Variants in EYS observed in about 807,000 individuals in gnomAD.
EYS encodes the protein protein eyes shut homolog.
A neutral mutation model predicts 282.1 loss-of-function variants in EYS; 250 were observed. That is an observed-to-expected ratio of 0.89 (90% CI 0.80 to 0.98). EYS has a LOEUF of 0.98. Ranked by LOEUF, EYS falls within the 50% of genes least tolerant of loss-of-function variation. EYS has a pLI of 0.00. For synonymous variants in EYS, 1,355 were observed against 1,282.9 expected, an observed-to-expected ratio of 1.06 and a Z score of -1.20; for missense variants, 4,016 against 3,709.0, an observed-to-expected ratio of 1.08 and a Z score of -2.15.
chr6:65,115,954 GT>G (rs1775358457), intron 12 of EYS, among the ~76,000 whole-genome samples: 1 of 126,250 alleles, frequency 7.9e-6, no homozygotes, highest in African/African-American at 3.5e-5. Context: ...CTGTCTGTCT[GT>G]CTGTCTATCT....
intron 29 of EYS, among the ~76,000 whole-genome samples, chr6:64,345,105 G>A (rs532941167): frequency 1.8e-4 from 27 of 152,146 alleles, no homozygotes; most frequent in African/African-American, 5.5e-4. Context: ...ACTCAATATC[G>A]TGAAAATGGC....
intron 19 of EYS, among the ~76,000 whole-genome samples, chr6:64,877,132 A>C (rs1415670670): frequency 6.6e-6 from 1 of 152,156 alleles, no homozygotes; most frequent in African/African-American, 2.4e-5. Flanking sequence ...TTGAAGATGC[A>C]GCCAATGGGA....
intron 14 of EYS, among the ~76,000 whole-genome samples, chr6:64,970,432 AG>A (rs1344585670): frequency 6.6e-6 from 1 of 152,110 alleles, no homozygotes; most frequent in African/African-American, 2.4e-5. Context: ...CCTTGACCTC[AG>A]GTACTCTGCT....
chr6:64,390,011 T>C (rs200221970), intron 28 of EYS, among the ~76,000 whole-genome samples: 100,012 of 145,868 alleles, frequency 0.69, 34,357 homozygotes, highest in Non-Finnish European at 0.71. Context: ...AAAGGGGTGA[T>C]GGATGGCACC....
chr6:63,724,275 CTATCCCACCGTGCTTTATTA>C (rs1254205987), intron 42 of EYS, among the ~76,000 whole-genome samples: 2 of 152,160 alleles, frequency 1.3e-5, no homozygotes, highest in African/African-American at 4.8e-5. Context: ...TCATCATCTG[CTATCCCACCGTGCTTTATTA>C]TAGATAAGAG....
At chr6:65,209,722 G>A (rs748124527) in intron 12 of EYS, among the ~76,000 whole-genome samples, 2 of 151,922 alleles carry the variant, frequency 1.3e-5, no homozygotes, top group Non-Finnish European at 2.9e-5. Context: ...AGCCTGCTAA[G>A]CTTTCTGAGG....
rs1279855444 is a variant in EYS at position 64,286,388 on chromosome 6, A to G, written c.6191+20582T>C. Among the ~76,000 whole-genome samples, 5 of 152,278 alleles carry G rather than the reference A, an allele frequency of 3.3e-5. No homozygotes were observed. In the East Asian group the frequency reaches 9.6e-4, roughly 29 times the overall value. ...GGTACCTGGTTTTAATTTCCTATCA[A>G]TTGTCTGCACTTTAAATCTTTCTTA... On this transcript the variant is annotated intron_variant, in intron 30 of 42. Coordinates refer to ENST00000503581, the MANE Select transcript of EYS (RefSeq NM_001142800.2).
At chr6:65,115,973 CTATCTATCT>C (rs1561973914) in intron 12 of EYS, among the ~76,000 whole-genome samples, 10 of 97,362 alleles carry the variant, frequency 1.0e-4, no homozygotes, top group African/African-American at 5.5e-4. Context: ...TCTAATCTAT[CTATCTATCT>C]ATCTATCTAT....
chr6:64,772,270 G>C (rs1773548667), intron 22 of EYS, among the ~76,000 whole-genome samples: 2 of 151,562 alleles, frequency 1.3e-5, no homozygotes, highest in South Asian at 4.1e-4. Context: ...TTCCATATTG[G>C]TTGTTTTTCA....
intron 23 of EYS, among the ~76,000 whole-genome samples, chr6:64,625,058 G>A (rs1767561889): frequency 6.6e-6 from 1 of 152,096 alleles, no homozygotes; most frequent in South Asian, 2.1e-4. Context: ...TAAGTGACCA[G>A]AAATATCCCC....
intron 13 of EYS, among the ~76,000 whole-genome samples, chr6:65,010,249 A>G (rs1214644660): frequency 1.3e-5 from 2 of 152,242 alleles, no homozygotes; most frequent in Admixed American, 6.5e-5. Flanking sequence ...GTTTACAGGT[A>G]GTGGCAGCAG....
intron 1 of EYS, among the ~76,000 whole-genome samples, chr6:65,643,613 G>A (rs1348501282): frequency 6.6e-6 from 1 of 152,122 alleles, no homozygotes; most frequent in African/African-American, 2.4e-5. Flanking sequence ...CCTGCCTGGA[G>A]GGCAACCAAC....
At chr6:64,575,630 G>A (rs1476188906) in intron 26 of EYS, among the ~76,000 whole-genome samples, 1 of 152,062 alleles carries the variant, frequency 6.6e-6, no homozygotes, top group Non-Finnish European at 1.5e-5. Flanking sequence ...CCACAACAGA[G>A]GCAAGAATGT....
intron 33 of EYS, among the ~76,000 whole-genome samples, chr6:64,031,430 G>A (rs563721707): frequency 3.0e-4 from 46 of 152,314 alleles, no homozygotes; most frequent in Non-Finnish European, 5.4e-4. Context: ...CTCCTGTGCG[G>A]CCCAAGCCTC....
chr6:65,223,642 T>G (rs983038103), intron 12 of EYS, among the ~76,000 whole-genome samples: 1 of 152,096 alleles, frequency 6.6e-6, no homozygotes, highest in Non-Finnish European at 1.5e-5. Context: ...TGCCTAGAAG[T>G]ATTCTCAGTC....
chr6:65,105,777 C>A (rs1320198047), intron 12 of EYS, among the ~76,000 whole-genome samples: 1 of 151,796 alleles, frequency 6.6e-6, no homozygotes. Context: ...GTATGTGATT[C>A]CTCTTTGAGG....
chr6:65,082,731 T>TC (rs1774260278), intron 12 of EYS, among the ~76,000 whole-genome samples: 2 of 151,988 alleles, frequency 1.3e-5, no homozygotes, highest in Non-Finnish European at 2.9e-5. Context: ...TTGAAGCTAT[T>TC]CCCCCCATTG....
intron 5 of EYS, among the ~76,000 whole-genome samples, chr6:65,436,138 A>G (rs1277006527): frequency 3.9e-5 from 6 of 152,268 alleles, no homozygotes; most frequent in Admixed American, 3.9e-4. Context: ...GAAAACTATC[A>G]ATGTAATTGG....
chr6:64,208,227 C>T (rs959720929), intron 31 of EYS, among the ~76,000 whole-genome samples: 3 of 151,998 alleles, frequency 2.0e-5, no homozygotes, highest in Non-Finnish European at 2.9e-5. Flanking sequence ...ATTATATAAC[C>T]GGTATTTATA....
Sources: gnomAD v4.1 joint callset for allele counts (sites outside exome capture counted in the v4.1 genomes callset) on GRCh38, gnomAD v4.1.1 for gene constraint, MANE v1.5 for transcripts, NCBI Gene and HGNC (gene_info 2026-07-23, HGNC 2026-07-21) for gene names.